Variants in P4HA1 observed in about 807,000 individuals in gnomAD.
P4HA1 encodes prolyl 4-hydroxylase subunit alpha-1.
A neutral mutation model predicts 72.8 loss-of-function variants in P4HA1; 24 were observed. The observed-to-expected ratio is 0.33, with a 90% CI of 0.24 to 0.46. The LOEUF (loss-of-function observed/expected upper bound fraction) is 0.46, where lower values mean the gene tolerates loss of function less well. Among genes scored for constraint, P4HA1 ranks in the 20% least tolerant of loss-of-function variants. The pLI, the probability that P4HA1 is intolerant of heterozygous loss-of-function variation, is 1.00. For missense variants in P4HA1, 446 were observed against 640.6 expected (o/e 0.70, Z 3.28); for synonymous variants, 201 against 218.8 (o/e 0.92, Z 0.72).
At chr10:73,038,788 G>A (rs1309242896) in intron 9 of P4HA1, among the ~76,000 whole-genome samples, 3 of 137,094 alleles carry the variant, frequency 2.2e-5, no homozygotes, top group South Asian at 5.0e-4. Context: ...CACTACGCCC[G>A]GCTAATTTTT....
At chr10:73,017,013 GAAATGAA>G in intron 10 of P4HA1, 114 bp from the exon 11 acceptor site, 1 of 667,242 alleles carries the variant, frequency 1.5e-6, no homozygotes. Context: ...TATTTACAGA[GAAATGAA>G]AAATATTTAA....
At chr10:73,034,722 G>C (rs1453975126) in intron 9 of P4HA1, among the ~76,000 whole-genome samples, 2 of 151,452 alleles carry the variant, frequency 1.3e-5, no homozygotes, top group Non-Finnish European at 2.9e-5. Context: ...CAAGTAGCTG[G>C]GACTACAGGC....
intron 5 of P4HA1, among the ~76,000 whole-genome samples, chr10:73,065,944 G>A (rs190862079): frequency 1.9e-4 from 29 of 152,154 alleles, no homozygotes; most frequent in African/African-American, 6.7e-4. Flanking sequence ...GTTAAAAAAA[G>A]GTTGTAGAAA....
chr10:73,048,618 G>A (rs1355952067), intron 7 of P4HA1, among the ~76,000 whole-genome samples: 3 of 147,020 alleles, frequency 2.0e-5, no homozygotes, highest in African/African-American at 5.3e-5. Context: ...TTAACAAACC[G>A]GGAAATTAGC....
intron 4 of P4HA1, among the ~76,000 whole-genome samples, chr10:73,071,715 G>T (rs1372731158): frequency 1.3e-5 from 2 of 151,502 alleles, no homozygotes; most frequent in African/African-American, 4.9e-5. Flanking sequence ...TGCAGATAAA[G>T]ACATAAATTT....
chr10:73,095,539 AAG>A (rs994630117), intron 1 of P4HA1, among the ~76,000 whole-genome samples: 5 of 149,036 alleles, frequency 3.4e-5, no homozygotes, highest in Admixed American at 1.3e-4. Flanking sequence ...AAAAAAAAAA[AAG>A]AGTAAAAAAT....
intron 11 of P4HA1, among the ~76,000 whole-genome samples, chr10:73,016,193 C>A (rs1840004693): frequency 6.6e-6 from 1 of 152,132 alleles, no homozygotes; most frequent in African/African-American, 2.4e-5. Flanking sequence ...TTCCACTATC[C>A]CCTGGATGAT....
intron 9 of P4HA1, among the ~76,000 whole-genome samples, chr10:73,037,947 T>G (rs939630515): frequency 2.6e-5 from 4 of 152,092 alleles, no homozygotes; most frequent in Admixed American, 1.3e-4. Flanking sequence ...ATCTTAAGCC[T>G]AAATAACATA....
At chr10:73,025,572 T>C (rs375116954) in intron 10 of P4HA1, among the ~76,000 whole-genome samples, 105 of 152,106 alleles carry the variant, frequency 6.9e-4, no homozygotes, top group African/African-American at 2.4e-3. Context: ...ATACCCTCCC[T>C]CACCACTCCT....
intron 5 of P4HA1, among the ~76,000 whole-genome samples, chr10:73,054,260 A>G (rs1452762756): frequency 6.6e-6 from 1 of 152,196 alleles, no homozygotes; most frequent in Non-Finnish European, 1.5e-5. Context: ...CAAGAGATGA[A>G]TGTACAGGAG....
In P4HA1 at chr10:73,048,310, C is replaced by T. The variant is rs1840925580; in HGVS notation, c.901-1209G>A. ...ACAAAGTCTTGCTCTGTTACCCAGG[C>T]TGCACTGCAATGCCTTGATCTCGGC... On this transcript the variant is annotated intron_variant, in intron 7 of 14. Coordinates refer to ENST00000394890, the MANE Select transcript of P4HA1 (RefSeq NM_001017962.3). 2.0e-5 allele frequency among the ~76,000 whole-genome samples: 3 copies of T among 152,210 alleles called. No homozygotes were observed. In the South Asian group the frequency reaches 6.2e-4, roughly 31 times the overall value.
At chr10:73,076,935 T>G (rs887009191) in intron 1 of P4HA1, among the ~76,000 whole-genome samples, 5 of 152,198 alleles carry the variant, frequency 3.3e-5, no homozygotes. Context: ...CACTGCCCCC[T>G]AACTTGAATC....
chr10:73,023,232 A>C (rs926667891), intron 10 of P4HA1, among the ~76,000 whole-genome samples: 4 of 152,210 alleles, frequency 2.6e-5, no homozygotes, highest in Non-Finnish European at 5.9e-5. Context: ...AAAAATCTTA[A>C]GGGCAGCCAG....
At chr10:73,049,999 A>C (rs1313456305) in intron 7 of P4HA1, among the ~76,000 whole-genome samples, 2 of 152,136 alleles carry the variant, frequency 1.3e-5, no homozygotes, top group East Asian at 1.9e-4. Context: ...CCCCGTCTTT[A>C]CTAAAAATAC....
At chr10:73,087,643 T>C (rs1368201085) in intron 1 of P4HA1, among the ~76,000 whole-genome samples, 1 of 152,072 alleles carries the variant, frequency 6.6e-6, no homozygotes, top group Non-Finnish European at 1.5e-5. Flanking sequence ...TCTTTTGCTC[T>C]TTTTAATTAG....
At chr10:73,071,718 A>G (rs1267969666) in intron 4 of P4HA1, among the ~76,000 whole-genome samples, 2 of 152,178 alleles carry the variant, frequency 1.3e-5, no homozygotes. Context: ...AGATAAAGAC[A>G]TAAATTTTTA....
chr10:73,050,899 A>G (rs1486131216), intron 7 of P4HA1, among the ~76,000 whole-genome samples, 154 bp downstream of exon 7: 1 of 152,078 alleles, frequency 6.6e-6, no homozygotes, highest in Non-Finnish European at 1.5e-5. Flanking sequence ...AATGGGGTCT[A>G]TGTTGCCTAA....
chr10:73,044,931 G>C, intron 9 of P4HA1, 50 bp downstream of exon 9: 1 of 1,407,304 alleles, frequency 7.1e-7, no homozygotes. Flanking sequence ...CCTGTAAGAT[G>C]TATAAAACAC....
chr10:73,053,299 A>C, intron 6 of P4HA1, 52 bp downstream of exon 6: 1 of 1,532,956 alleles, frequency 6.5e-7, no homozygotes, highest in Non-Finnish European at 8.9e-7. Context: ...AAAATAGAGA[A>C]TATATATCCC....
Sources: allele counts gnomAD v4.1 joint callset (sites outside exome capture counted in the v4.1 genomes callset), GRCh38; gene constraint gnomAD v4.1.1; transcripts MANE v1.5; gene names NCBI Gene and HGNC (gene_info 2026-07-23, HGNC 2026-07-21).